Variants in HOATZ observed in about 807,000 individuals in gnomAD.
HOATZ encodes cilia- and flagella-associated protein HOATZ.
A neutral mutation model predicts 24.9 loss-of-function variants in HOATZ; 26 were observed. The ratio of observed to expected loss-of-function variants is 1.04; its 90% confidence interval spans 0.76 to 1.45. The LOEUF is 1.45. Among genes scored for constraint, HOATZ ranks in the 40% most tolerant of loss-of-function variants. The probability of loss-of-function intolerance (pLI) is 0.00; values close to 1 mark genes in which losing one functional copy is unlikely to be tolerated. For synonymous variants in HOATZ, 83 were observed against 76.6 expected (o/e 1.08, Z -0.43); for missense variants, 226 against 201.5 (o/e 1.12, Z -0.74).
At chr11:111,520,449 C>T (rs558169691) in intron 3 of HOATZ, among the ~76,000 whole-genome samples, 70 of 152,250 alleles carry the variant, frequency 4.6e-4, no homozygotes, top group Non-Finnish European at 5.1e-4. Flanking sequence ...AGAACAATAT[C>T]CCAGGTATGC....
At chr11:111,522,409 T>C (rs1168699745) in intron 3 of HOATZ, among the ~76,000 whole-genome samples, 1 of 152,224 alleles carries the variant, frequency 6.6e-6, no homozygotes, top group African/African-American at 2.4e-5. Context: ...GTGGATCAGG[T>C]AACTCAGAGA....
intron 3 of HOATZ, among the ~76,000 whole-genome samples, chr11:111,524,271 G>A (rs1867307050): frequency 6.6e-6 from 1 of 152,214 alleles, no homozygotes; most frequent in Non-Finnish European, 1.5e-5. Flanking sequence ...CAACAGAAAA[G>A]AGTGGAAGTA....
intron 3 of HOATZ, among the ~76,000 whole-genome samples, chr11:111,523,819 AG>A (rs1432612446): frequency 6.6e-6 from 1 of 152,226 alleles, no homozygotes; most frequent in African/African-American, 2.4e-5. Context: ...AGCTGTTTAC[AG>A]TCCAATAGTC....
In HOATZ at chr11:111,514,846, C is replaced by T. The variant is rs758698673; in HGVS notation, c.62C>T (p.Pro21Leu). Residue 21 changes from proline (P) to leucine (L), a missense_variant, in exon 1 of 6, where the codon CCG becomes CTG. By Grantham distance (98) the Pro-to-Leu change is moderately conservative. Coordinates refer to ENST00000375618, the MANE Select transcript of HOATZ (RefSeq NM_001100388.2). ...GRKESQEMCP[P>L]GLLVFAGSSE... ...AAAGAGTCCCAGGAAATGTGCCCCCCGGGATTACTGGTATTTGCTGGCTCC... is the reference window on the plus strand; with the variant it reads ...AAAGAGTCCCAGGAAATGTGCCCCCTGGGATTACTGGTATTTGCTGGCTCC... The T allele has an allele frequency of 5.0e-6, 8 of 1,614,118 alleles. No homozygotes were observed. The East Asian group carries it at 1.8e-4, about 36-fold the overall frequency.
chr11:111,530,331 C>A (rs563250667), intron 3 of HOATZ, among the ~76,000 whole-genome samples: 1 of 152,140 alleles, frequency 6.6e-6, no homozygotes, highest in African/African-American at 2.4e-5. Context: ...CAACACACAG[C>A]GGAACTGGGA....
chr11:111,518,852 T>C (rs534247227), intron 3 of HOATZ, among the ~76,000 whole-genome samples: 1 of 152,324 alleles, frequency 6.6e-6, no homozygotes, highest in Middle Eastern at 3.4e-3. Flanking sequence ...AATGCCAGCT[T>C]CTGTGAAGCC....
intron 3 of HOATZ, chr11:111,519,153 A>AT (rs1381109048): frequency 3.6e-5 from 14 of 383,938 alleles, no homozygotes; most frequent in African/African-American, 1.5e-4. Context: ...AAGAGAAATG[A>AT]TTTTTTTTAA....
chr11:111,515,177 C>A (rs918783821), intron 1 of HOATZ, 167 bp downstream of exon 1: 2 of 615,670 alleles, frequency 3.2e-6, no homozygotes, highest in Non-Finnish European at 5.7e-6. Flanking sequence ...ACCCTTCCAC[C>A]CGAAAAGGAT....
intron 1 of HOATZ, chr11:111,515,221 A>C (rs909980436): frequency 1.5e-5 from 9 of 587,440 alleles, no homozygotes; most frequent in African/African-American, 2.4e-5. Context: ...AAAACATATA[A>C]GTTTCCCTTA....
At chr11:111,532,213 C>T (rs1867401834) in intron 3 of HOATZ, among the ~76,000 whole-genome samples, 1 of 152,138 alleles carries the variant, frequency 6.6e-6, no homozygotes, top group Non-Finnish European at 1.5e-5. Context: ...CATAAGTCTG[C>T]AGTCACCTTA....
At chr11:111,517,596 G>T (rs1867220069) in intron 3 of HOATZ, among the ~76,000 whole-genome samples, 1 of 152,144 alleles carries the variant, frequency 6.6e-6, no homozygotes, top group South Asian at 2.1e-4. Context: ...CCAAAGATAA[G>T]ATGTGATCCC....
intron 3 of HOATZ, among the ~76,000 whole-genome samples, chr11:111,516,930 A>T (rs1867212126): frequency 6.6e-6 from 1 of 152,172 alleles, no homozygotes; most frequent in Non-Finnish European, 1.5e-5. Context: ...CCTTTAACTC[A>T]GCAATTAATA....
chr11:111,535,498 A>G (rs1267501743), intron 5 of HOATZ: 1 of 152,214 alleles, frequency 6.6e-6, no homozygotes. Context: ...ATGCTGACTC[A>G]CCTAATAATA....
At chr11:111,529,135 G>T (rs1354765067) in intron 3 of HOATZ, among the ~76,000 whole-genome samples, 1 of 152,136 alleles carries the variant, frequency 6.6e-6, no homozygotes, top group East Asian at 1.9e-4. Flanking sequence ...TATCTTCTCT[G>T]CTTCCCCCTC....
intron 3 of HOATZ, among the ~76,000 whole-genome samples, chr11:111,523,385 A>AG (rs1229929349): frequency 6.6e-6 from 1 of 152,158 alleles, no homozygotes; most frequent in African/African-American, 2.4e-5. Flanking sequence ...ATAAATCAGC[A>AG]GTATATTTTA....
chr11:111,524,875 T>G lies in HOATZ; in HGVS notation c.339+8765T>G, dbSNP rs1479957698. 1.1e-5 allele frequency: 5 copies of G among 447,250 alleles called. No homozygotes were observed. The Admixed American group carries it at 1.2e-4, about 11-fold the overall frequency. 27.7% of individuals were successfully genotyped at this position (447,250 alleles called of 1,614,324 possible). On this transcript the variant is annotated intron_variant, in intron 3 of 5. Transcript: ENST00000375618. ...TGCATATTTTCTTTTTCTTTTCTTT[T>G]TTTTTAGACAAGGTCTCACTCTGTC...
chr11:111,521,898 C>T (rs1318154350), intron 3 of HOATZ, among the ~76,000 whole-genome samples: 2 of 152,130 alleles, frequency 1.3e-5, no homozygotes, highest in African/African-American at 4.8e-5. Context: ...CATCTACAGT[C>T]TGTAAAATCA....
At chr11:111,517,957 A>G (rs1055518407) in intron 3 of HOATZ, among the ~76,000 whole-genome samples, 2 of 152,100 alleles carry the variant, frequency 1.3e-5, no homozygotes, top group East Asian at 1.9e-4. Flanking sequence ...TTCCTTTCCA[A>G]TCCAGTCCTA....
chr11:111,519,039 G>T (rs990327993), intron 3 of HOATZ: 6 of 455,906 alleles, frequency 1.3e-5, no homozygotes, highest in Non-Finnish European at 2.6e-5. Flanking sequence ...GTAGATTTTG[G>T]AGACAACAAG....
Sources: allele counts gnomAD v4.1 joint callset (sites outside exome capture counted in the v4.1 genomes callset), GRCh38; gene constraint gnomAD v4.1.1; transcripts MANE v1.5; gene names NCBI Gene and HGNC (gene_info 2026-07-23, HGNC 2026-07-21).